Variants in SLIT2 observed in about 807,000 individuals in gnomAD.
SLIT2 encodes the protein slit guidance ligand 2.
A neutral mutation model predicts 185.7 loss-of-function variants in SLIT2; 41 were observed. The observed-to-expected ratio is 0.22, with a 90% CI of 0.17 to 0.29. SLIT2 has a LOEUF of 0.29. Ranked by LOEUF, SLIT2 falls within the 10% of genes least tolerant of loss-of-function variation. SLIT2 has a pLI of 1.00. For missense variants in SLIT2, 1,571 were observed against 1,909.0 expected (o/e 0.82, Z 3.30); for synonymous variants, 693 against 680.2 (o/e 1.02, Z -0.29).
intron 18 of SLIT2, among the ~76,000 whole-genome samples, 164 bp downstream of exon 18, chr4:20,533,879 T>TGCTACACACACACACAC (rs1722032616): frequency 1.3e-5 from 2 of 151,366 alleles, no homozygotes; most frequent in South Asian, 2.1e-4. Flanking sequence ...CACACACACA[T>TGCTACACACACACACAC]GTATTGTGAA....
intron 33 of SLIT2, among the ~76,000 whole-genome samples, chr4:20,599,551 A>C (rs1056975847): frequency 1.3e-5 from 2 of 152,222 alleles, no homozygotes; most frequent in African/African-American, 2.4e-5. Flanking sequence ...ATATAAAAGA[A>C]GTGGTTGTGA....
chr4:20,387,731 C>T (rs868171828), intron 4 of SLIT2, among the ~76,000 whole-genome samples: 7 of 152,064 alleles, frequency 4.6e-5, no homozygotes, highest in Admixed American at 3.3e-4. Context: ...GGCCACCAGC[C>T]GACAGCAGCA....
chr4:20,386,220 A>G (rs1464702532), intron 4 of SLIT2, among the ~76,000 whole-genome samples: 2 of 152,230 alleles, frequency 1.3e-5, no homozygotes, highest in Admixed American at 1.3e-4. Flanking sequence ...TCCCACAAAG[A>G]GCAGATTAAA....
chr4:20,455,777 G>A (rs1200695847), intron 4 of SLIT2, among the ~76,000 whole-genome samples: 1 of 152,008 alleles, frequency 6.6e-6, no homozygotes. Context: ...GTTTACACAG[G>A]TAAACTTTTT....
chr4:20,388,643 G>T (rs77248696), intron 4 of SLIT2, among the ~76,000 whole-genome samples: 1 of 151,456 alleles, frequency 6.6e-6, no homozygotes, highest in Non-Finnish European at 1.5e-5. Context: ...GCGTGGTGGC[G>T]TGTGCCTGTA....
intron 9 of SLIT2, among the ~76,000 whole-genome samples, chr4:20,507,120 T>C (rs1719279807): frequency 6.6e-6 from 1 of 152,014 alleles, no homozygotes; most frequent in Non-Finnish European, 1.5e-5. Context: ...CTCAAGTGTG[T>C]CTGAAATATT....
chr4:20,383,975 G>A (rs1297205494), intron 4 of SLIT2, among the ~76,000 whole-genome samples: 1 of 152,012 alleles, frequency 6.6e-6, no homozygotes, highest in African/African-American at 2.4e-5. Context: ...CAAAGTGCTG[G>A]GATTACTGGC....
chr4:20,440,570 A>T (rs947102508), intron 4 of SLIT2, among the ~76,000 whole-genome samples: 17 of 152,334 alleles, frequency 1.1e-4, no homozygotes, highest in Admixed American at 1.0e-3. Flanking sequence ...ATAGAAAACA[A>T]CGCAATGAAT....
Position 20,618,759 on chromosome 4 carries a change from C to G in SLIT2, c.4349-9C>G. The G allele has an allele frequency of 1.3e-6, 2 of 1,573,712 alleles. No homozygotes were observed. Among genetic ancestry groups the G allele is most frequent in the Non-Finnish European group, 1.7e-6 (2 of 1,152,968 alleles). On this transcript the variant is annotated splice_polypyrimidine_tract_variant and intron_variant, in intron 36 of 36. Coordinates refer to ENST00000504154, the MANE Select transcript of SLIT2 (RefSeq NM_004787.4). ...TCTTAAAATGCTTGTGCTTTTTGTT[C>G]TTTTCTAGAAATCTCTTGTCGAGGG...
At chr4:20,595,560 A>C in intron 30 of SLIT2, 137 bp from the exon 31 acceptor site, 2 of 980,860 alleles carry the variant, frequency 2.0e-6, no homozygotes, top group Non-Finnish European at 3.1e-6. Context: ...TTTTCTAGGT[A>C]TCCATTAATG....
intron 4 of SLIT2, among the ~76,000 whole-genome samples, chr4:20,348,199 A>T (rs1366609633): frequency 4.6e-5 from 7 of 152,042 alleles, no homozygotes; most frequent in Non-Finnish European, 1.0e-4. Flanking sequence ...GCTGAGTCTG[A>T]TACATTGGGT....
Position 20,595,687 on chromosome 4 carries a change from G to T in SLIT2, c.3183-10G>T. 1.9e-6 allele frequency: 3 copies of T among 1,612,986 alleles called. No individual in the cohort carries two copies. The highest frequency in any genetic ancestry group is 2.5e-6 in the Non-Finnish European group (3 of 1,179,174). The stretch of plus-strand genomic sequence containing the variant: ...TTGGGTTTGAAACCATTACCTGCTT[G>T]TTCCAACAGATGTGACTGCACACCA... On this transcript the variant is annotated splice_polypyrimidine_tract_variant and intron_variant, in intron 30 of 36. Coordinates refer to ENST00000504154, the MANE Select transcript of SLIT2 (RefSeq NM_004787.4).
intron 5 of SLIT2, among the ~76,000 whole-genome samples, chr4:20,475,975 T>G (rs1343354674): frequency 6.6e-6 from 1 of 152,198 alleles, no homozygotes; most frequent in Non-Finnish European, 1.5e-5. Context: ...GATTAAATTC[T>G]CACATAATGT....
chr4:20,387,160 G>A (rs1724999794), intron 4 of SLIT2, among the ~76,000 whole-genome samples: 1 of 152,098 alleles, frequency 6.6e-6, no homozygotes, highest in African/African-American at 2.4e-5. Context: ...TCCGAGTGCT[G>A]GTGTGAGACC....
intron 4 of SLIT2, among the ~76,000 whole-genome samples, chr4:20,320,477 T>C (rs993445883): frequency 3.3e-5 from 5 of 152,088 alleles, no homozygotes; most frequent in Non-Finnish European, 7.4e-5. Flanking sequence ...TGTACTGAAC[T>C]TGTCTTCTGT....
At chr4:20,438,255 G>A (rs1485338720) in intron 4 of SLIT2, among the ~76,000 whole-genome samples, 2 of 152,048 alleles carry the variant, frequency 1.3e-5, no homozygotes, top group East Asian at 1.9e-4. Context: ...CATTTTCATG[G>A]TGTTGATAAA....
At chr4:20,260,738 A>G (rs896151262) in intron 3 of SLIT2, among the ~76,000 whole-genome samples, 3 of 151,868 alleles carry the variant, frequency 2.0e-5, no homozygotes, top group Non-Finnish European at 2.9e-5. Flanking sequence ...TGGAATGGCA[A>G]AGTCATTATT....
intron 4 of SLIT2, among the ~76,000 whole-genome samples, chr4:20,277,622 A>G (rs1450193623): frequency 6.6e-6 from 1 of 151,264 alleles, no homozygotes; most frequent in Non-Finnish European, 1.5e-5. Context: ...ATTGTTTAGA[A>G]TCTGCCTCAA....
Position 20,254,924 on chromosome 4 carries a change from C to G in SLIT2, c.179+930C>G, listed in dbSNP as rs1380542470. On this transcript the variant is annotated intron_variant, in intron 1 of 36. Coordinates refer to ENST00000504154, the MANE Select transcript of SLIT2 (RefSeq NM_004787.4). The surrounding 1 kb of genome is among the most constrained non-coding windows in gnomAD (Gnocchi z 5.1). ...AGACGTCCCCGCCTCCCTGTCTTTG[C>G]GAGTCTCTAATGAAGAAGTAAATGC... 1 of 456,154 alleles carries G rather than the reference C, an allele frequency of 2.2e-6. No individual in the cohort carries two copies. The highest frequency in any genetic ancestry group is 4.4e-6 in the Non-Finnish European group (1 of 226,956). The allele number at this position is 456,154 out of a possible 1,614,324, so 28.3% of individuals were successfully genotyped here.
Sources: allele counts gnomAD v4.1 joint callset (sites outside exome capture counted in the v4.1 genomes callset), GRCh38; gene constraint gnomAD v4.1.1; non-coding constraint Gnocchi (gnomAD v3.1); transcripts MANE v1.5; gene names NCBI Gene and HGNC (gene_info 2026-07-23, HGNC 2026-07-21).